RAB9B: variants seen among roughly 807,000 people sequenced by gnomAD.
RAB9B encodes the protein ras-related protein Rab-9B.
Under a neutral mutation model 8.9 loss-of-function variants are expected in RAB9B, and 1 was observed. The ratio of observed to expected loss-of-function variants is 0.11; its 90% CI spans 0.04 to 0.53. RAB9B has a LOEUF of 0.53. RAB9B is among the 20% of genes least tolerant of loss of function. The probability of loss-of-function intolerance (pLI) is 0.93; values close to 1 mark genes in which losing one functional copy is unlikely to be tolerated. For missense variants in RAB9B, 82 were observed against 152.9 expected (o/e 0.54, Z 2.45); for synonymous variants, 63 against 57.0 (o/e 1.10, Z -0.47).
At chrX:103,790,696 C>T in the RAB9B span, 2 of 639,639 alleles carry the variant, frequency 3.1e-6, no homozygotes, top group South Asian at 2.2e-5. Flanking sequence ...TTGCCACCAA[C>T]TGGCCCTCTT....
chrX:103,828,155 T>TA (rs1295403909), intron 1 of RAB9B, among the ~76,000 whole-genome samples: 2 of 110,991 alleles, frequency 1.8e-5, no homozygotes, highest in Non-Finnish European at 3.8e-5. Flanking sequence ...AACGAAGCTT[T>TA]AAAAAAAAAT....
At chrX:103,804,821 C>T in the RAB9B span, among the ~76,000 whole-genome samples, 1 of 111,453 alleles carries the variant, frequency 9.0e-6, no homozygotes, top group African/African-American at 3.3e-5. Flanking sequence ...TTGCTTATTG[C>T]TAGTGTATAG....
At chrX:103,782,074 T>C in the RAB9B span, among the ~76,000 whole-genome samples, 1 of 112,521 alleles carries the variant, frequency 8.9e-6, no homozygotes, top group Non-Finnish European at 1.9e-5. Context: ...GAAAAAATAA[T>C]TTCTTGCAGG....
At chrX:103,804,685 G>A in the RAB9B span, among the ~76,000 whole-genome samples, 1 of 111,874 alleles carries the variant, frequency 8.9e-6, no homozygotes, top group South Asian at 3.7e-4. Context: ...TTTAGGTCTT[G>A]TTTAACTTAT....
chrX:103,802,903 A>G, the RAB9B span, among the ~76,000 whole-genome samples: 1 of 111,560 alleles, frequency 9.0e-6, no homozygotes, highest in Non-Finnish European at 1.9e-5. Flanking sequence ...TGGGCAGTTC[A>G]TATAAATAGC....
At chrX:103,776,446 C>T in the RAB9B span, 268 of 112,707 alleles carry the variant, frequency 2.4e-3, 2 homozygotes, top group East Asian at 0.021. Flanking sequence ...GGAGCAGATT[C>T]GGAAGGACTT....
the RAB9B span, among the ~76,000 whole-genome samples, chrX:103,777,279 C>T: frequency 9.0e-6 from 1 of 111,318 alleles, no homozygotes; most frequent in East Asian, 2.8e-4. Flanking sequence ...CCTCCTACCC[C>T]CTCACTTCCC....
At chrX:103,789,233 G>A in the RAB9B span, 1 of 673,061 alleles carries the variant, frequency 1.5e-6, no homozygotes, top group Non-Finnish European at 2.5e-6. Flanking sequence ...TAGCACACAA[G>A]AAAGATATCA....
the RAB9B span, chrX:103,788,891 G>A: frequency 7.6e-5 from 21 of 275,909 alleles, no homozygotes; most frequent in Non-Finnish European, 1.0e-4. Flanking sequence ...TTTTCAATTT[G>A]GAACTTCTTT....
chrX:103,799,816 T>C, the RAB9B span, among the ~76,000 whole-genome samples: 1 of 112,019 alleles, frequency 8.9e-6, no homozygotes, highest in African/African-American at 3.2e-5. Context: ...TTGTATTCTA[T>C]TGATGTCCAC....
the RAB9B span, chrX:103,787,063 G>A: frequency 5.4e-5 from 15 of 275,821 alleles, no homozygotes; most frequent in Middle Eastern, 2.3e-3. Flanking sequence ...AACTGGACAA[G>A]AGTCTAAAAT....
intron 1 of RAB9B, among the ~76,000 whole-genome samples, chrX:103,828,938 A>G (rs781567951): frequency 1.2e-4 from 14 of 112,192 alleles, no homozygotes; most frequent in Non-Finnish European, 2.3e-4. Context: ...GAACTTGGGC[A>G]GGTCATTTAA....
the RAB9B span, chrX:103,789,129 G>A: frequency 2.1e-6 from 1 of 471,570 alleles, no homozygotes; most frequent in South Asian, 3.0e-5. Flanking sequence ...ACTATTCTGT[G>A]ATCTGGGTGT....
the RAB9B span, chrX:103,790,456 C>T: frequency 1.3e-6 from 1 of 763,209 alleles, no homozygotes; most frequent in African/African-American, 2.1e-5. Context: ...CTTCCTCATT[C>T]CCAAAGGGAT....
At chrX:103,802,617 A>G in the RAB9B span, among the ~76,000 whole-genome samples, 1 of 111,996 alleles carries the variant, frequency 8.9e-6, no homozygotes, top group Non-Finnish European at 1.9e-5. Context: ...AACTCATATC[A>G]CCAGCTATCA....
the RAB9B span, among the ~76,000 whole-genome samples, chrX:103,808,538 C>A: frequency 8.9e-6 from 1 of 112,677 alleles, no homozygotes; most frequent in Non-Finnish European, 1.9e-5. Context: ...TAGATCGATA[C>A]ACATCACACG....
At chrX:103,798,469 A>G in the RAB9B span, among the ~76,000 whole-genome samples, 1 of 111,747 alleles carries the variant, frequency 8.9e-6, no homozygotes, top group Non-Finnish European at 1.9e-5. Context: ...ATAGCTGAAA[A>G]TAATAACTTA....
At chrX:103,780,636 C>T in the RAB9B span, among the ~76,000 whole-genome samples, 3 of 111,371 alleles carry the variant, frequency 2.7e-5, no homozygotes, top group Non-Finnish European at 5.7e-5. Flanking sequence ...CCAGAGACTT[C>T]GGGACTGTTT....
chrX:103,827,993 A>T (rs1288635925), intron 1 of RAB9B, among the ~76,000 whole-genome samples: 1 of 112,249 alleles, frequency 8.9e-6, no homozygotes, highest in Non-Finnish European at 1.9e-5. Context: ...CACCAGTTTT[A>T]ATATTTAGCT....
Sources: gnomAD v4.1 joint callset for allele counts (sites outside exome capture counted in the v4.1 genomes callset) on GRCh38, gnomAD v4.1.1 for gene constraint, MANE v1.5 for transcripts, NCBI Gene and HGNC (gene_info 2026-07-23, HGNC 2026-07-21) for gene names.